The following PPARA variants were observed in gnomAD, a reference collection of about 807,000 sequenced individuals.
PPARA encodes the protein peroxisome proliferator activated receptor alpha, also known as peroxisome proliferator-activated receptor alpha.
Under a neutral mutation model 42.2 loss-of-function variants are expected in PPARA, and 22 were observed. The observed-to-expected ratio is 0.52, with a 90% CI of 0.37 to 0.74. The LOEUF (loss-of-function observed/expected upper bound fraction) is 0.74, where lower values mean the gene tolerates loss of function less well. Ranked by LOEUF, PPARA falls within the 30% of genes least tolerant of loss-of-function variation. The pLI, the probability that PPARA is intolerant of heterozygous loss-of-function variation, is 0.00. For synonymous variants in PPARA, 242 were observed against 239.3 expected, an observed-to-expected ratio of 1.01 and a Z score of -0.10; for missense variants, 465 against 608.2, an observed-to-expected ratio of 0.76 and a Z score of 2.48.
rs988173328 is a variant in PPARA, at chr22:46,209,981, A to C, written c.209-5192A>C. 1.4e-4 allele frequency among the ~76,000 whole-genome samples: 22 copies of C among 151,980 alleles called. 1 individual carries two copies. Among genetic ancestry groups the C allele is most frequent in the Admixed American group, 1.1e-3 (17 of 15,260 alleles). Reference sequence around the variant, plus strand: ...ACTGGTCTCAAACTCCTGGGTTCAAACAATCCTCCAGCCTTGGCCTCCCAA... The same window carrying C: ...ACTGGTCTCAAACTCCTGGGTTCAACCAATCCTCCAGCCTTGGCCTCCCAA... On this transcript the variant is annotated intron_variant, in intron 4 of 8. Coordinates refer to ENST00000407236, the MANE Select transcript of PPARA (RefSeq NM_005036.6).
Position 46,218,321 on chromosome 22 carries a change from G to GC in PPARA, c.429dup (p.Lys144GlnfsTer37), listed in dbSNP as rs1569239037. The GC allele has an allele frequency of 6.2e-7, 1 of 1,614,046 alleles. No homozygotes were observed. The highest frequency in any genetic ancestry group is 8.5e-7 in the Non-Finnish European group (1 of 1,180,020). ...GTGTATGACAAGTGCGACCGCAGCT[G>GC]CAAGATCCAGAAAAAGAACAGAAAC... On this transcript the variant is annotated frameshift_variant, in exon 6 of 9. Transcript: ENST00000407236. LOFTEE classifies it high-confidence loss of function.
rs772528519 is a variant in PPARA at position 46,182,936 on chromosome 22, G to A, written c.-43+6100G>A. On this transcript the variant is annotated intron_variant, in intron 3 of 8. Coordinates refer to ENST00000407236, the MANE Select transcript of PPARA (RefSeq NM_005036.6). This position sits in a 1 kb window ranked among gnomAD's most constrained non-coding sequence, Gnocchi z 5.2. ...ATTTTTCTATTTTTAGTAAAGACAG[G>A]GTTTCGCCATGATTGCCAGGCTGGT... Among the ~76,000 whole-genome samples, 1 of 152,060 alleles carries A rather than the reference G, an allele frequency of 6.6e-6. No individual in the cohort carries two copies. Among genetic ancestry groups the A allele is most frequent in the Non-Finnish European group, 1.5e-5 (1 of 68,012 alleles).
At position 46,171,657 on chromosome 22, in the gene PPARA, C is replaced by T. The variant is rs1336935051; in HGVS notation, c.-126-5096C>T. Among the ~76,000 whole-genome samples, 2 of 152,048 alleles carry T rather than the reference C, an allele frequency of 1.3e-5. No homozygotes were observed. Among genetic ancestry groups the T allele is most frequent in the Admixed American group, 6.6e-5 (1 of 15,264 alleles). On this transcript the variant is annotated intron_variant, in intron 2 of 8. Transcript: ENST00000407236. The surrounding 1 kb of genome is among the most constrained non-coding windows in gnomAD (Gnocchi z 5.0). ...GGGAGCATCCTGACAGGGAGGGCAG[C>T]AGGGTGGGCTCATGAGAGGAACAGC...
chr22:46,166,124 G>C (rs1351253243), intron 2 of PPARA, among the ~76,000 whole-genome samples: 2 of 152,166 alleles, frequency 1.3e-5, no homozygotes, highest in African/African-American at 4.8e-5. Context: ...AAGCTCTGCC[G>C]CCAGTTCTCC....
chr22:46,170,578 A>G (rs967924984), intron 2 of PPARA, among the ~76,000 whole-genome samples: 1 of 151,420 alleles, frequency 6.6e-6, no homozygotes, highest in Non-Finnish European at 1.5e-5. Flanking sequence ...ACAGGGAACA[A>G]TGTTCAGAAT....
rs913355759 is a variant in PPARA at position 46,193,686 on chromosome 22, A to T, written c.-42-4656A>T. 6.6e-6 allele frequency among the ~76,000 whole-genome samples: 1 copy of T among 152,224 alleles called. No individual in the cohort carries two copies. The highest frequency in any genetic ancestry group is 1.5e-5 in the Non-Finnish European group (1 of 68,032). On this transcript the variant is annotated intron_variant, in intron 3 of 8. Coordinates refer to ENST00000407236, the MANE Select transcript of PPARA (RefSeq NM_005036.6). The surrounding 1 kb of genome is among the most constrained non-coding windows in gnomAD (Gnocchi z 5.3). ...CAGGTAAGGAAGGAATGAGAGGATC[A>T]TGCAGAACCTCCCATCATTGCTGGG... is the stretch of plus-strand genomic sequence containing the variant.
In PPARA at chr22:46,222,977, T is replaced by C. The variant is rs916838752; in HGVS notation, c.711+2963T>C. ...GAGTTCAAAACCAACCTGGGCAACA[T>C]GGCAAGACCACATCTCTACAAAAAA... On this transcript the variant is annotated intron_variant, in intron 7 of 8. Transcript: ENST00000407236. This position sits in a 1 kb window ranked among gnomAD's most constrained non-coding sequence, Gnocchi z 5.9. 6.6e-6 allele frequency among the ~76,000 whole-genome samples: 1 copy of C among 152,092 alleles called. No individual in the cohort carries two copies. The highest frequency in any genetic ancestry group is 6.6e-5 in the Admixed American group (1 of 15,258).
At chr22:46,177,519 T>C (rs908031986) in intron 3 of PPARA, among the ~76,000 whole-genome samples, 16 of 152,036 alleles carry the variant, frequency 1.1e-4, no homozygotes, top group Non-Finnish European at 2.4e-4. Context: ...CAAAGTGAAC[T>C]TCAAACAGTC....
intron 2 of PPARA, among the ~76,000 whole-genome samples, chr22:46,159,047 G>A (rs756424830): frequency 3.9e-5 from 6 of 151,944 alleles, no homozygotes; most frequent in East Asian, 1.9e-4. Flanking sequence ...GTGCCACCAC[G>A]CCCGGCTAAT....
intron 6 of PPARA, 76 bp downstream of exon 6, chr22:46,218,477 G>A (rs1934699236): frequency 6.3e-7 from 1 of 1,592,152 alleles, no homozygotes; most frequent in Non-Finnish European, 8.6e-7. Context: ...AACAGATCAA[G>A]CTATGGATGA....
rs1272990123 is a variant in PPARA, at chr22:46,232,752, G to A, written c.1159+513G>A. 6.6e-6 allele frequency among the ~76,000 whole-genome samples: 1 copy of A among 151,128 alleles called. No individual in the cohort carries two copies. Among genetic ancestry groups the A allele is most frequent in the Non-Finnish European group, 1.5e-5 (1 of 67,868 alleles). On this transcript the variant is annotated intron_variant, in intron 8 of 8. Coordinates refer to ENST00000407236, the MANE Select transcript of PPARA (RefSeq NM_005036.6). This position sits in a 1 kb window ranked among gnomAD's most constrained non-coding sequence, Gnocchi z 5.3. ...GCCCTTTGGGAGGCTGAGGTGGGTG[G>A]ATCACTTGAGCCCAGGAGGTTGAGA...
chr22:46,228,533 C>G (rs1935633907), intron 7 of PPARA, among the ~76,000 whole-genome samples: 1 of 152,108 alleles, frequency 6.6e-6, no homozygotes, highest in Non-Finnish European at 1.5e-5. Context: ...GAGACTCCGT[C>G]TCAAAAAAGA....
chr22:46,187,958 C>T lies in PPARA; in HGVS notation c.-42-10384C>T, dbSNP rs987960575. 5.3e-5 allele frequency among the ~76,000 whole-genome samples: 8 copies of T among 152,226 alleles called. No homozygotes were observed. The highest frequency in any genetic ancestry group is 1.9e-4 in the African/African-American group (8 of 41,446). On this transcript the variant is annotated intron_variant, in intron 3 of 8. Coordinates refer to ENST00000407236, the MANE Select transcript of PPARA (RefSeq NM_005036.6). This position sits in a 1 kb window ranked among gnomAD's most constrained non-coding sequence, Gnocchi z 4.9. ...AGGCTTTGCAGATTCCACATTCAAC[C>T]TCTTGGAATGCTGCCACCATCTGAG...
At chr22:46,170,225 T>G (rs1235313832) in intron 2 of PPARA, among the ~76,000 whole-genome samples, 1 of 151,372 alleles carries the variant, frequency 6.6e-6, no homozygotes, top group Non-Finnish European at 1.5e-5. Flanking sequence ...GTAAGTGTGT[T>G]TTTGGTGGCA....
Position 46,238,760 on chromosome 22 carries a change from C to T in PPARA, c.*3380C>T, listed in dbSNP as rs1293068437. The T allele has an allele frequency of 2.0e-5, 3 of 152,624 alleles. No homozygotes were observed. The highest frequency in any genetic ancestry group is 4.4e-5 in the Non-Finnish European group (3 of 68,352). 9.5% of individuals were successfully genotyped at this position (152,624 alleles called of 1,614,324 possible). Reference sequence around the variant, plus strand: ...CGGCGCATCCCTCCTCTCCCACCTCCTGGCACTTCCAGCTGGGTGTCCCAC... The same window carrying T: ...CGGCGCATCCCTCCTCTCCCACCTCTTGGCACTTCCAGCTGGGTGTCCCAC... On this transcript the variant is annotated 3_prime_UTR_variant, in exon 9 of 9. Transcript: ENST00000407236. This position sits in a 1 kb window ranked among gnomAD's most constrained non-coding sequence, Gnocchi z 8.3.
At chr22:46,166,276 G>A (rs1317032971) in intron 2 of PPARA, among the ~76,000 whole-genome samples, 1 of 152,138 alleles carries the variant, frequency 6.6e-6, no homozygotes, top group Non-Finnish European at 1.5e-5. Flanking sequence ...ATATGGTTTT[G>A]TCTACTCTTT....
Position 46,216,800 on chromosome 22 carries a change from G to A in PPARA, c.370-1463G>A, listed in dbSNP as rs114828354. Reference sequence around the variant, plus strand: ...TGCCAGCTGGACTGGTGGCCCTTCCGTGTTTGTCAGCGTGGTGATGAGGAG... The same window carrying A: ...TGCCAGCTGGACTGGTGGCCCTTCCATGTTTGTCAGCGTGGTGATGAGGAG... On this transcript the variant is annotated intron_variant, in intron 5 of 8. Transcript: ENST00000407236. The surrounding 1 kb of genome is among the most constrained non-coding windows in gnomAD (Gnocchi z 4.5). 4.6e-5 allele frequency among the ~76,000 whole-genome samples: 7 copies of A among 152,310 alleles called. No individual in the cohort carries two copies. The East Asian group carries it at 9.6e-4, about 21-fold the overall frequency.
chr22:46,218,037 G>T (rs1934655465), intron 5 of PPARA, among the ~76,000 whole-genome samples: 2 of 151,626 alleles, frequency 1.3e-5, no homozygotes, highest in South Asian at 4.2e-4. Context: ...CACCATGTTG[G>T]CTAGGCTGGT....
At chr22:46,189,615 A>C (rs995939044) in intron 3 of PPARA, among the ~76,000 whole-genome samples, 3 of 152,140 alleles carry the variant, frequency 2.0e-5, no homozygotes, top group Non-Finnish European at 4.4e-5. Context: ...TTCTGTTTTA[A>C]ATGTGTTTCC....
Sources: gnomAD v4.1 joint callset for allele counts (sites outside exome capture counted in the v4.1 genomes callset) on GRCh38, gnomAD v4.1.1 for gene constraint, Gnocchi (gnomAD v3.1) non-coding constraint, MANE v1.5 for transcripts, NCBI Gene and HGNC (gene_info 2026-07-23, HGNC 2026-07-21) for gene names.